The following MINDY2 variants were observed in gnomAD, a reference collection of about 807,000 sequenced individuals.
MINDY2 encodes the protein ubiquitin carboxyl-terminal hydrolase MINDY-2.
MINDY2 carries 52 observed loss-of-function variants against 68.2 expected under a neutral mutation model. The ratio of observed to expected loss-of-function variants is 0.76; its 90% CI spans 0.61 to 0.96. The LOEUF (loss-of-function observed/expected upper bound fraction) is 0.96, where lower values mean the gene tolerates loss of function less well. Ranked by LOEUF, MINDY2 falls within the 40% of genes least tolerant of loss-of-function variation. The probability of loss-of-function intolerance (pLI) is 0.00; values close to 1 mark genes in which losing one functional copy is unlikely to be tolerated. For missense variants in MINDY2, 881 were observed against 773.4 expected, an observed-to-expected ratio of 1.14 and a Z score of -1.65; for synonymous variants, 372 against 303.0, an observed-to-expected ratio of 1.23 and a Z score of -2.36.
At chr15:58,851,723 C>T in intron 7 of MINDY2, 48 bp from the exon 8 acceptor site, 1 of 1,402,032 alleles carries the variant, frequency 7.1e-7, no homozygotes, top group Non-Finnish European at 9.6e-7. Context: ...GTCATTCATT[C>T]TTGGGTAAAA....
Position 58,857,755 on chromosome 15 carries a change from C to T in MINDY2, c.*3145C>T, listed in dbSNP as rs1297651335. On this transcript the variant is annotated 3_prime_UTR_variant, in exon 9 of 9. Transcript: ENST00000559228. Reference sequence around the variant, plus strand: ...AGAACTTAAACATTTTTGTTTTTATCATTTATAGCCTAGATTAGGGACATA... The same window carrying T: ...AGAACTTAAACATTTTTGTTTTTATTATTTATAGCCTAGATTAGGGACATA... 5.9e-5 allele frequency: 9 copies of T among 151,954 alleles called. No individual in the cohort carries two copies. The highest frequency in any genetic ancestry group is 1.2e-4 in the Non-Finnish European group (8 of 67,984). 9.4% of individuals were successfully genotyped at this position (151,954 alleles called of 1,614,324 possible). A position where few individuals can be genotyped will look rare whatever the true frequency, so the allele number is the denominator to read the frequency against.
intron 8 of MINDY2, among the ~76,000 whole-genome samples, chr15:58,853,810 C>G (rs1210431296): frequency 1.7e-5 from 2 of 116,716 alleles, no homozygotes; most frequent in Non-Finnish European, 3.5e-5. Context: ...GAGTGAGACT[C>G]CATCTCAATA....
At chr15:58,847,178 T>A in intron 6 of MINDY2, 119 bp from the exon 7 acceptor site, 1 of 753,560 alleles carries the variant, frequency 1.3e-6, no homozygotes, top group Non-Finnish European at 2.0e-6. Context: ...TGTACAGATC[T>A]AAACAGTAGG....
intron 2 of MINDY2, among the ~76,000 whole-genome samples, chr15:58,796,726 T>A (rs1164371832): frequency 1.3e-5 from 2 of 152,238 alleles, no homozygotes; most frequent in African/African-American, 4.8e-5. Flanking sequence ...TTTCCCCATG[T>A]TGGCCGGGCT....
In MINDY2 at chr15:58,855,018, T is replaced by G. The variant is rs1275147027; in HGVS notation, c.*408T>G. On this transcript the variant is annotated 3_prime_UTR_variant, in exon 9 of 9. Transcript: ENST00000559228. ...AAATCTAAATATTAGCACAATAGTTTCTGAAATTTTACAATGTTAAATTAT... is the reference window on the plus strand; with the variant it reads ...AAATCTAAATATTAGCACAATAGTTGCTGAAATTTTACAATGTTAAATTAT... 1 of 153,866 alleles carries G rather than the reference T, an allele frequency of 6.5e-6. No homozygotes were observed. The highest frequency in any genetic ancestry group is 1.5e-5 in the Non-Finnish European group (1 of 68,796). The allele number at this position is 153,866 out of a possible 1,614,324, so 9.5% of individuals were successfully genotyped here. A position where few individuals can be genotyped will look rare whatever the true frequency, so the allele number is the denominator to read the frequency against.
chr15:58,808,518 CTG>C (rs1403493494), intron 3 of MINDY2, among the ~76,000 whole-genome samples: 1 of 152,132 alleles, frequency 6.6e-6, no homozygotes, highest in East Asian at 1.9e-4. Context: ...TAAGTTTCCT[CTG>C]TGTCTTTTCA....
intron 1 of MINDY2, among the ~76,000 whole-genome samples, chr15:58,783,076 C>T (rs1192792824): frequency 2.6e-5 from 4 of 151,652 alleles, no homozygotes; most frequent in East Asian, 1.9e-4. Flanking sequence ...CCTGCCACCG[C>T]GCCTGGCTAA....
At chr15:58,831,002 A>G (rs2031680225) in intron 5 of MINDY2, among the ~76,000 whole-genome samples, 1 of 145,566 alleles carries the variant, frequency 6.9e-6, no homozygotes, top group South Asian at 2.1e-4. Context: ...TCGATTGTGT[A>G]TATGAAGATC....
chr15:58,852,926 T>TG, intron 8 of MINDY2, among the ~76,000 whole-genome samples: 2 of 1,716 alleles, frequency 1.2e-3, no homozygotes, highest in Admixed American at 8.3e-3. Context: ...GTTCCTGTTT[T>TG]TTTTTTTTTT....
At chr15:58,796,060 G>A (rs1250302097) in intron 2 of MINDY2, 1 of 455,560 alleles carries the variant, frequency 2.2e-6, no homozygotes, top group African/African-American at 2.0e-5. Flanking sequence ...GCAGTGATGA[G>A]ATGGAAATGG....
At position 58,802,388 on chromosome 15, in the gene MINDY2, G is replaced by C; in HGVS notation, c.963+11G>C. 6.5e-7 allele frequency: 1 copy of C among 1,533,936 alleles called. No homozygotes were observed. The highest frequency in any genetic ancestry group is 8.8e-7 in the Non-Finnish European group (1 of 1,131,898). On this transcript the variant is annotated intron_variant, in intron 3 of 8. Coordinates refer to ENST00000559228, the MANE Select transcript of MINDY2 (RefSeq NM_001040450.3). ...TTAAATTATGAACAGGTAATAAACA[G>C]TTTTTGTTAAAGTATATAATTTTAA... is the stretch of plus-strand genomic sequence containing the variant.
Position 58,847,453 on chromosome 15 carries a change from C to G in MINDY2, c.1525C>G (p.Gln509Glu), listed in dbSNP as rs750358484. ...SDPETVYKGQ[Q>E]DQIDQDYLMA... ...TCCTGAAACTGTATACAAAGGACAA[C>G]AAGATCAGATAGATCAGGTAAATTT... The change falls in exon 7 of 9, where the codon CAA becomes GAA. Residue 509 changes from glutamine to glutamate, a missense_variant. Physicochemically the swap from Gln to Glu is conservative, Grantham distance 29. Transcript: ENST00000559228. 1.1e-5 allele frequency: 17 copies of G among 1,572,380 alleles called. No individual in the cohort carries two copies. Among genetic ancestry groups the G allele is most frequent in the Admixed American group, 1.7e-5 (1 of 59,422 alleles).
intron 1 of MINDY2, among the ~76,000 whole-genome samples, chr15:58,782,746 C>T: frequency 6.6e-6 from 1 of 152,066 alleles, no homozygotes; most frequent in Admixed American, 6.6e-5. Flanking sequence ...TCTCACTTCT[C>T]ATCACAGTAC....
chr15:58,790,661 G>A (rs1901827720), intron 2 of MINDY2, among the ~76,000 whole-genome samples: 1 of 152,114 alleles, frequency 6.6e-6, no homozygotes, highest in African/African-American at 2.4e-5. Context: ...TTTAAACAAG[G>A]TAAAATAAGT....
intron 1 of MINDY2, 122 bp from the exon 2 acceptor site, chr15:58,787,784 A>G (rs963640831): frequency 4.0e-6 from 2 of 496,238 alleles, no homozygotes; most frequent in Non-Finnish European, 6.9e-6. Context: ...AATATATGTG[A>G]ATGTTAATGT....
intron 1 of MINDY2, among the ~76,000 whole-genome samples, chr15:58,774,221 G>A (rs142062754): frequency 1.2e-3 from 179 of 152,268 alleles, no homozygotes; most frequent in African/African-American, 4.1e-3. Flanking sequence ...GGTGGCTCAC[G>A]CCTGTATTCC....
intron 4 of MINDY2, among the ~76,000 whole-genome samples, chr15:58,819,897 C>A (rs1439411399): frequency 6.6e-6 from 1 of 152,078 alleles, no homozygotes; most frequent in Non-Finnish European, 1.5e-5. Flanking sequence ...GATCCTCTCG[C>A]AAAGAAAAGG....
rs2140891898 is a variant in MINDY2, at chr15:58,860,604, A to C, written c.*5994A>C. On this transcript the variant is annotated 3_prime_UTR_variant, in exon 9 of 9. Coordinates refer to ENST00000559228, the MANE Select transcript of MINDY2 (RefSeq NM_001040450.3). ...AAAAAAAAAAAAAAAAAAGTCAAGAAACTGAAATTCCCATTTAAGTTCTCA... is the reference window on the plus strand; with the variant it reads ...AAAAAAAAAAAAAAAAAAGTCAAGACACTGAAATTCCCATTTAAGTTCTCA... 6.6e-6 allele frequency: 1 copy of C among 151,920 alleles called. No homozygotes were observed. Among genetic ancestry groups the C allele is most frequent in the Non-Finnish European group, 1.5e-5 (1 of 67,946 alleles). The allele number at this position is 151,920 out of a possible 1,614,324, so 9.4% of individuals were successfully genotyped here. A position where few individuals can be genotyped will look rare whatever the true frequency, so the allele number is the denominator to read the frequency against.
intron 2 of MINDY2, among the ~76,000 whole-genome samples, chr15:58,797,074 G>A (rs1208916800): frequency 6.6e-6 from 1 of 152,162 alleles, no homozygotes; most frequent in East Asian, 1.9e-4. Context: ...TCCTTGAAAT[G>A]TGGCCAGTGT....
Sources: allele counts gnomAD v4.1 joint callset (sites outside exome capture counted in the v4.1 genomes callset), GRCh38; gene constraint gnomAD v4.1.1; transcripts MANE v1.5; gene names NCBI Gene and HGNC (gene_info 2026-07-23, HGNC 2026-07-21).